HMGXB4: variants seen among roughly 807,000 people sequenced by gnomAD.
The protein encoded by HMGXB4 is HMG domain-containing protein 4.
In HMGXB4, 27 loss-of-function variants were observed where a neutral mutation model predicts 63.9. The observed-to-expected ratio is 0.42, with a 90% confidence interval of 0.31 to 0.58. The LOEUF (loss-of-function observed/expected upper bound fraction) is 0.58. Among genes scored for constraint, HMGXB4 ranks in the 20% least tolerant of loss-of-function variants. HMGXB4 has a pLI of 0.13. For synonymous variants in HMGXB4, 264 were observed against 265.3 expected (o/e 0.99, Z 0.05); for missense variants, 624 against 700.7 (o/e 0.89, Z 1.24).
In HMGXB4 at chr22:35,293,594, C is replaced by G; in HGVS notation, c.1762-13C>G. The G allele has an allele frequency of 1.9e-6, 3 of 1,599,748 alleles. No homozygotes were observed. Among genetic ancestry groups the G allele is most frequent in the Non-Finnish European group, 2.6e-6 (3 of 1,167,078 alleles). On this transcript the variant is annotated splice_polypyrimidine_tract_variant and intron_variant, in intron 10 of 10. Transcript: ENST00000216106. Reference sequence around the variant, plus strand: ...CAGTACTCTTCAGTTGAACATTTTTCTTTGTTTTGCAGTCAAACACATTAG... The same window carrying G: ...CAGTACTCTTCAGTTGAACATTTTTGTTTGTTTTGCAGTCAAACACATTAG...
chr22:35,248,894 C>T, the HMGXB4 span, among the ~76,000 whole-genome samples: 6 of 152,084 alleles, frequency 3.9e-5, no homozygotes, highest in Non-Finnish European at 7.4e-5. Flanking sequence ...ACATCCAAAC[C>T]GTATCAGGCA....
intron 5 of HMGXB4, among the ~76,000 whole-genome samples, chr22:35,270,566 G>C (rs1315948539): frequency 6.6e-6 from 1 of 152,222 alleles, no homozygotes; most frequent in Non-Finnish European, 1.5e-5. Flanking sequence ...GTGCCAAAAA[G>C]GTTGAGGACC....
the HMGXB4 span, among the ~76,000 whole-genome samples, chr22:35,251,810 C>T: frequency 6.6e-6 from 1 of 152,120 alleles, no homozygotes; most frequent in Non-Finnish European, 1.5e-5. Flanking sequence ...TCATCAAAAT[C>T]AAGGTAATAG....
chr22:35,292,930 G>A (rs1925017887), intron 9 of HMGXB4, 62 bp from the exon 10 acceptor site: 4 of 1,606,826 alleles, frequency 2.5e-6, no homozygotes, highest in Non-Finnish European at 3.4e-6. Context: ...ACTGTGTGAG[G>A]AAGTCAGCCG....
intron 1 of HMGXB4, among the ~76,000 whole-genome samples, chr22:35,260,305 C>A (rs961955068): frequency 2.0e-5 from 3 of 152,178 alleles, no homozygotes; most frequent in African/African-American, 2.4e-5. Context: ...GCATTATCAG[C>A]CTATGAAAAT....
chr22:35,279,122 T>C (rs1347354060), intron 5 of HMGXB4, among the ~76,000 whole-genome samples: 1 of 143,680 alleles, frequency 7.0e-6, no homozygotes, highest in Non-Finnish European at 1.5e-5. Flanking sequence ...TCTCACAGTC[T>C]ATGGATTGTC....
rs1925212360 is a variant in HMGXB4 at position 35,295,578 on chromosome 22, T to C, written c.*1927T>C. On this transcript the variant is annotated 3_prime_UTR_variant, in exon 11 of 11. Transcript: ENST00000216106. ...GTTTTCCTTTGAAACCCAGCCCTAT[T>C]GTATTTGTATTTAAAATTTGTACAC... The C allele has an allele frequency of 6.6e-6, 1 of 152,650 alleles. No homozygotes were observed. 9.5% of individuals were successfully genotyped at this position (152,650 alleles called of 1,614,324 possible).
At chr22:35,245,533 G>A in the HMGXB4 span, among the ~76,000 whole-genome samples, 1 of 151,760 alleles carries the variant, frequency 6.6e-6, no homozygotes, top group South Asian at 2.1e-4. Context: ...CTGTCATCTT[G>A]CTGTTGGTAT....
intron 1 of HMGXB4, 198 bp from the exon 2 acceptor site, chr22:35,262,125 A>C (rs750986845): frequency 5.0e-6 from 2 of 397,888 alleles, no homozygotes; most frequent in Non-Finnish European, 9.0e-6. Context: ...TTCATGACTG[A>C]AATCTAATTA....
the HMGXB4 span, among the ~76,000 whole-genome samples, chr22:35,246,447 A>AT: frequency 1.3e-5 from 2 of 151,522 alleles, no homozygotes; most frequent in Admixed American, 6.6e-5. Context: ...AATTTTTTGT[A>AT]TTTTTTTAGT....
chr22:35,246,314 G>A, the HMGXB4 span, among the ~76,000 whole-genome samples: 2 of 151,918 alleles, frequency 1.3e-5, no homozygotes, highest in South Asian at 2.1e-4. Context: ...TCGCTCTGTC[G>A]CCCAGGATAG....
chr22:35,287,873 G>A (rs1441251353), intron 8 of HMGXB4, among the ~76,000 whole-genome samples: 6 of 152,066 alleles, frequency 3.9e-5, no homozygotes, highest in Non-Finnish European at 7.4e-5. Context: ...GCTTGAACCC[G>A]GGAGGTGGAG....
rs35534975 is a variant in HMGXB4, at chr22:35,261,435, C to CAA, written c.-68-872_-68-871dup. On this transcript the variant is annotated intron_variant, in intron 1 of 10. Transcript: ENST00000216106. The stretch of plus-strand genomic sequence containing the variant: ...TGGGCAACAGAGCAAGACTCTATCT[C>CAA]AAAAAAAAAAAAAAAAATCCTTTTA... 1.9e-3 allele frequency among the ~76,000 whole-genome samples: 243 copies of CAA among 125,184 alleles called. 2 individuals carry two copies. Among genetic ancestry groups the CAA allele is most frequent in the Middle Eastern group, 0.012 (3 of 250 alleles). 82.1% of individuals were successfully genotyped at this position (125,184 alleles called of 152,430 possible).
intron 2 of HMGXB4, chr22:35,262,643 T>C (rs1922935477): frequency 3.4e-6 from 2 of 582,772 alleles, no homozygotes; most frequent in East Asian, 2.9e-5. Flanking sequence ...TATGAGTCTC[T>C]TAGTTTATTG....
chr22:35,247,523 G>A, the HMGXB4 span, among the ~76,000 whole-genome samples: 58 of 152,168 alleles, frequency 3.8e-4, no homozygotes, highest in African/African-American at 1.2e-3. Context: ...CATGCTCTGC[G>A]TGTGAATGCC....
At chr22:35,257,828 G>GTGCGGCCGCCCCGGGGGCC (rs1425807006) in intron 1 of HMGXB4, among the ~76,000 whole-genome samples, 3 of 151,960 alleles carry the variant, frequency 2.0e-5, no homozygotes, top group Non-Finnish European at 4.4e-5. Flanking sequence ...GGGAGGGGGC[G>GTGCGGCCGCCCCGGGGGCC]TGCGGCCGCC....
intron 5 of HMGXB4, among the ~76,000 whole-genome samples, chr22:35,266,214 A>T (rs1188946136): frequency 6.6e-6 from 1 of 152,162 alleles, no homozygotes; most frequent in East Asian, 1.9e-4. Flanking sequence ...ACTTAGCATC[A>T]CTGTCTGCTT....
In HMGXB4 at chr22:35,294,447, G is replaced by C. The variant is rs1925131346; in HGVS notation, c.*796G>C. On this transcript the variant is annotated 3_prime_UTR_variant, in exon 11 of 11. Transcript: ENST00000216106. ...TGGTGTCTTTCACTGGCAGCATGAA[G>C]TTAGCCACCAAGTCCTCACAAGCCG... is the stretch of plus-strand genomic sequence containing the variant. 6.6e-6 allele frequency: 1 copy of C among 152,588 alleles called. No homozygotes were observed. Among genetic ancestry groups the C allele is most frequent in the Non-Finnish European group, 1.5e-5 (1 of 68,032 alleles). 9.5% of individuals were successfully genotyped at this position (152,588 alleles called of 1,614,324 possible).
At chr22:35,244,844 C>T in the HMGXB4 span, among the ~76,000 whole-genome samples, 1 of 152,192 alleles carries the variant, frequency 6.6e-6, no homozygotes, top group African/African-American at 2.4e-5. Context: ...GTTCAGTATA[C>T]TCTCGTAACA....
Sources: gnomAD v4.1 joint callset for allele counts (sites outside exome capture counted in the v4.1 genomes callset) on GRCh38, gnomAD v4.1.1 for gene constraint, MANE v1.5 for transcripts, NCBI Gene and HGNC (gene_info 2026-07-23, HGNC 2026-07-21) for gene names.